Variants in CSMD1 observed in about 807,000 individuals in gnomAD.
CSMD1 encodes CUB and sushi domain-containing protein 1.
A neutral mutation model predicts 417.5 loss-of-function variants in CSMD1; 213 were observed. That is an observed-to-expected ratio of 0.51 (90% CI 0.46 to 0.57). The LOEUF (loss-of-function observed/expected upper bound fraction) is 0.57. Ranked by LOEUF, CSMD1 falls within the 20% of genes least tolerant of loss-of-function variation. The pLI, the probability that CSMD1 is intolerant of heterozygous loss-of-function variation, is 0.00. For synonymous variants in CSMD1, 2,862 were observed against 1,736.8 expected (o/e 1.65, Z -16.11); for missense variants, 6,923 against 4,529.7 (o/e 1.53, Z -15.17).
intron 6 of CSMD1, among the ~76,000 whole-genome samples, chr8:3,725,619 G>A (rs1337126071): frequency 2.0e-5 from 3 of 152,094 alleles, no homozygotes; most frequent in African/African-American, 7.2e-5. Context: ...AAGGTTTCAG[G>A]GAAGGAGTGA....
intron 1 of CSMD1, among the ~76,000 whole-genome samples, chr8:4,864,515 T>C (rs1802312731): frequency 6.6e-6 from 1 of 151,860 alleles, no homozygotes; most frequent in African/African-American, 2.4e-5. Context: ...ATTTAGTTTT[T>C]GCATATGTGA....
intron 55 of CSMD1, among the ~76,000 whole-genome samples, chr8:2,975,958 A>C (rs539908579): frequency 1.3e-5 from 2 of 152,360 alleles, no homozygotes; most frequent in South Asian, 2.1e-4. Flanking sequence ...TGGAGACATA[A>C]AAGAAATGTT....
chr8:3,681,410 G>C (rs1160399889), intron 7 of CSMD1, among the ~76,000 whole-genome samples: 2 of 152,134 alleles, frequency 1.3e-5, no homozygotes, highest in Non-Finnish European at 1.5e-5. Context: ...CAAACAGAGA[G>C]CCAAATCATG....
At chr8:4,058,707 A>C (rs1228284854) in intron 3 of CSMD1, among the ~76,000 whole-genome samples, 1 of 136,896 alleles carries the variant, frequency 7.3e-6, no homozygotes, top group South Asian at 2.7e-4. Context: ...GCCATTACAT[A>C]ATAGTAAAGG....
At chr8:2,997,026 T>C (rs985069191) in intron 54 of CSMD1, among the ~76,000 whole-genome samples, 2 of 152,204 alleles carry the variant, frequency 1.3e-5, no homozygotes, top group Non-Finnish European at 2.9e-5. Context: ...CCTCCTCTGG[T>C]CAGGGGCTGG....
chr8:4,261,355 A>C (rs559809106), intron 3 of CSMD1, among the ~76,000 whole-genome samples: 1 of 152,300 alleles, frequency 6.6e-6, no homozygotes, highest in East Asian at 1.9e-4. Context: ...GAATCTAAGA[A>C]CATCTTCTCA....
intron 5 of CSMD1, among the ~76,000 whole-genome samples, chr8:3,789,394 T>A (rs1799608992): frequency 2.0e-5 from 1 of 49,378 alleles, no homozygotes; most frequent in African/African-American, 5.5e-5. Context: ...AGTAGTGTTT[T>A]TTTTTTTAAG....
intron 1 of CSMD1, among the ~76,000 whole-genome samples, chr8:4,726,831 G>A (rs1191601637): frequency 6.6e-6 from 1 of 152,154 alleles, no homozygotes; most frequent in Non-Finnish European, 1.5e-5. Flanking sequence ...TAATTGACCT[G>A]AAGATGCAAA....
At chr8:4,901,812 C>A (rs1804888835) in intron 1 of CSMD1, among the ~76,000 whole-genome samples, 1 of 152,020 alleles carries the variant, frequency 6.6e-6, no homozygotes, top group African/African-American at 2.4e-5. Flanking sequence ...ATTACATATT[C>A]TCAAAGAAAT....
At chr8:4,475,266 T>C (rs73660883) in intron 2 of CSMD1, among the ~76,000 whole-genome samples, 4,387 of 152,304 alleles carry the variant, frequency 0.029, 227 homozygotes, top group African/African-American at 0.1. Flanking sequence ...TCTCACTCCA[T>C]TTCTATATCC....
chr8:4,412,006 G>A (rs1319880503), intron 3 of CSMD1, among the ~76,000 whole-genome samples: 2 of 151,856 alleles, frequency 1.3e-5, no homozygotes, highest in African/African-American at 2.4e-5. Context: ...GTGTGTGTGT[G>A]TGTGTGTGTG....
At chr8:3,472,605 T>C (rs1323083527) in intron 11 of CSMD1, among the ~76,000 whole-genome samples, 1 of 151,654 alleles carries the variant, frequency 6.6e-6, no homozygotes, top group Non-Finnish European at 1.5e-5. Context: ...TATATAAAAT[T>C]TCCAGACTCA....
At chr8:4,413,772 A>C (rs1210077204) in intron 3 of CSMD1, among the ~76,000 whole-genome samples, 1 of 151,942 alleles carries the variant, frequency 6.6e-6, no homozygotes, top group Non-Finnish European at 1.5e-5. Flanking sequence ...AGGACAAACG[A>C]GAGATTTCGG....
intron 11 of CSMD1, among the ~76,000 whole-genome samples, chr8:3,492,466 A>G (rs9644271): frequency 6.6e-6 from 1 of 152,304 alleles, no homozygotes; most frequent in East Asian, 1.9e-4. Context: ...CCATTAATGA[A>G]AGACGCTTCT....
intron 2 of CSMD1, among the ~76,000 whole-genome samples, chr8:4,594,386 G>C (rs1317909832): frequency 6.6e-6 from 1 of 151,662 alleles, no homozygotes; most frequent in Admixed American, 6.6e-5. Flanking sequence ...TATTAGTAGA[G>C]ACAGGATTTC....
chr8:4,806,306 G>C (rs1301777328), intron 1 of CSMD1, among the ~76,000 whole-genome samples: 1 of 152,106 alleles, frequency 6.6e-6, no homozygotes, highest in Non-Finnish European at 1.5e-5. Flanking sequence ...TAGGAAGGTG[G>C]CCTAGTTCCA....
At chr8:3,045,260 A>G (rs1364296428) in intron 50 of CSMD1, among the ~76,000 whole-genome samples, 3 of 152,208 alleles carry the variant, frequency 2.0e-5, no homozygotes, top group African/African-American at 7.2e-5. Flanking sequence ...CACGATGCAA[A>G]TTGACTTTTT....
intron 7 of CSMD1, among the ~76,000 whole-genome samples, chr8:3,683,932 T>C (rs1799800225): frequency 6.6e-6 from 1 of 151,926 alleles, no homozygotes; most frequent in Non-Finnish European, 1.5e-5. Context: ...CACTAAGTTT[T>C]AGCAAATTTA....
intron 1 of CSMD1, among the ~76,000 whole-genome samples, chr8:4,740,381 T>C (rs984478970): frequency 2.6e-5 from 4 of 152,164 alleles, no homozygotes; most frequent in African/African-American, 7.2e-5. Flanking sequence ...AATACAGTAT[T>C]AGAATGAGGA....
Sources: gnomAD v4.1 joint callset for allele counts (sites outside exome capture counted in the v4.1 genomes callset) on GRCh38, gnomAD v4.1.1 for gene constraint, MANE v1.5 for transcripts, NCBI Gene and HGNC (gene_info 2026-07-23, HGNC 2026-07-21) for gene names.